PRAG1: variants seen among roughly 807,000 people sequenced by gnomAD.
PRAG1 encodes the protein inactive tyrosine-protein kinase PRAG1.
Under a neutral mutation model 95.6 loss-of-function variants are expected in PRAG1, and 110 were observed. The observed-to-expected ratio is 1.15, with a 90% CI of 0.99 to 1.35. PRAG1 has a LOEUF of 1.35. Ranked by LOEUF, PRAG1 falls within the 40% of genes most tolerant of loss-of-function variation. The pLI is 0.00. For missense variants in PRAG1, 2,554 were observed against 1,864.7 expected (o/e 1.37, Z -6.81); for synonymous variants, 1,052 against 819.4 (o/e 1.28, Z -4.85).
rs1262118389 is a variant in PRAG1, at chr8:8,386,339, C to T, written c.-106G>A. 1.3e-5 allele frequency: 2 copies of T among 152,304 alleles called. No homozygotes were observed. Among genetic ancestry groups the T allele is most frequent in the Non-Finnish European group, 2.9e-5 (2 of 68,122 alleles). 9.4% of individuals were successfully genotyped at this position (152,304 alleles called of 1,614,324 possible). A position where few individuals can be genotyped will look rare whatever the true frequency, so the allele number is the denominator to read the frequency against. ...GGCTCACCTCTGGGCTGCGCTCCCCCGGCCCCTCCGTCGGTCTCCGAGCCG... is the reference window on the plus strand; with the variant it reads ...GGCTCACCTCTGGGCTGCGCTCCCCTGGCCCCTCCGTCGGTCTCCGAGCCG... On this transcript the variant is annotated 5_prime_UTR_variant, in exon 1 of 6. Transcript: ENST00000615670.
chr8:8,377,948 C>T lies in PRAG1; in HGVS notation c.461G>A (p.Arg154His), dbSNP rs886301146. ...GACCATGGTGTAAGCTGGGGGACAG[C>T]GAGAATTGCCATCAGGGGAGGTAGA... is the stretch of plus-strand genomic sequence containing the variant. Reference protein sequence around the residue: ...GPSTSPDGNSRCPPAYTMVGL... With the variant: ...GPSTSPDGNSHCPPAYTMVGL... The change falls in exon 3 of 6, where the codon CGC (arginine) becomes CAC (histidine). Residue 154 changes from arginine (R) to histidine (H), a missense_variant. Transcript: ENST00000615670. 21 of 1,613,718 alleles carry T rather than the reference C, an allele frequency of 1.3e-5. No individual in the cohort carries two copies. Among genetic ancestry groups the T allele is most frequent in the South Asian group, 3.3e-5 (3 of 91,060 alleles).
At chr8:8,345,132 TC>T (rs1799293266) in intron 3 of PRAG1, among the ~76,000 whole-genome samples, 1 of 150,796 alleles carries the variant, frequency 6.6e-6, no homozygotes, top group African/African-American at 2.4e-5. Context: ...CTTTGGTAAA[TC>T]TTAGTTTCTA....
intron 3 of PRAG1, among the ~76,000 whole-genome samples, chr8:8,363,834 T>A (rs1799920728): frequency 6.6e-6 from 1 of 152,202 alleles, no homozygotes; most frequent in Admixed American, 6.6e-5. Flanking sequence ...TATATTTAAT[T>A]TATATTAAGT....
In PRAG1 at chr8:8,378,066, G is replaced by A. The variant is rs777296497; in HGVS notation, c.343C>T (p.Arg115Ter). 9.6e-5 allele frequency: 148 copies of A among 1,536,898 alleles called. No homozygotes were observed. The highest frequency in any genetic ancestry group is 2.3e-4 in the African/African-American group (17 of 72,426). Residue 115 changes from arginine to a stop codon, truncating the protein, a stop_gained, in exon 3 of 6, where the codon CGA (arginine) becomes TGA (stop). Coordinates refer to ENST00000615670, the MANE Select transcript of PRAG1 (RefSeq NM_001080826.3). LOFTEE classifies it high-confidence loss of function. Reference protein sequence around the residue: ...SAEVSQVIWRRAPGKLPLPKQ... With the variant: ...SAEVSQVIWR Reference sequence around the variant, plus strand: ...GGGAGGGGGAGCTTGCCAGGGGCTCGTCTCCAGATGACCTACACACAAGCC... The same window carrying A: ...GGGAGGGGGAGCTTGCCAGGGGCTCATCTCCAGATGACCTACACACAAGCC...
At chr8:8,330,795 T>C (rs1044566745) in intron 4 of PRAG1, among the ~76,000 whole-genome samples, 3 of 152,072 alleles carry the variant, frequency 2.0e-5, no homozygotes, top group African/African-American at 4.8e-5. Flanking sequence ...GGGCAGATGA[T>C]TCACTTCCTC....
chr8:8,322,327 C>G (rs1037427445), intron 5 of PRAG1, among the ~76,000 whole-genome samples: 18 of 152,022 alleles, frequency 1.2e-4, no homozygotes, highest in Non-Finnish European at 2.4e-4. Context: ...ATTACAGGTG[C>G]CTGCCACCAC....
intron 3 of PRAG1, among the ~76,000 whole-genome samples, chr8:8,341,725 T>A (rs189877443): frequency 6.6e-6 from 1 of 152,366 alleles, no homozygotes; most frequent in Admixed American, 6.5e-5. Flanking sequence ...CTGGATTCAG[T>A]TTTACTCATA....
chr8:8,329,149 T>C (rs192744297), intron 4 of PRAG1, among the ~76,000 whole-genome samples: 1 of 152,026 alleles, frequency 6.6e-6, no homozygotes, highest in Non-Finnish European at 1.5e-5. Context: ...TCCCAGCACT[T>C]TGGGAGGCTG....
intron 3 of PRAG1, among the ~76,000 whole-genome samples, chr8:8,369,462 A>C (rs1445650236): frequency 6.6e-6 from 1 of 152,174 alleles, no homozygotes; most frequent in Non-Finnish European, 1.5e-5. Flanking sequence ...ATTCAAAGCA[A>C]TTTGCTTTTT....
At position 8,376,250 on chromosome 8, in the gene PRAG1, G is replaced by T. The variant is rs377210076; in HGVS notation, c.2159C>A (p.Ser720Ter). ...CCAGGCAGACAATGGTACTCACCGC[G>T]ACTTTGGAGGCGGAGGAGGAGGTGA... Reference protein sequence around the residue: ...TFSPPPPPPKSRHLLKMNKSS... With the variant: ...TFSPPPPPPK The change falls in exon 3 of 6, where the codon TCG becomes TAG. Residue 720 changes from serine to a stop codon, truncating the protein, a stop_gained. Transcript: ENST00000615670. LOFTEE classifies it high-confidence loss of function. 6.2e-7 allele frequency: 1 copy of T among 1,612,634 alleles called. No homozygotes were observed. Among genetic ancestry groups the T allele is most frequent in the Non-Finnish European group, 8.5e-7 (1 of 1,179,454 alleles).
chr8:8,352,554 A>C (rs1231995324), intron 3 of PRAG1, among the ~76,000 whole-genome samples: 2 of 152,214 alleles, frequency 1.3e-5, no homozygotes, highest in African/African-American at 2.4e-5. Flanking sequence ...TCTCTCAAGT[A>C]AGTCCTCTAT....
intron 3 of PRAG1, among the ~76,000 whole-genome samples, chr8:8,369,102 G>C (rs1007247964): frequency 6.6e-6 from 1 of 151,874 alleles, no homozygotes; most frequent in African/African-American, 2.4e-5. Flanking sequence ...GTAATGTTCT[G>C]TTGAGCGAGA....
chr8:8,324,774 C>T (rs1798581433), intron 5 of PRAG1, among the ~76,000 whole-genome samples: 1 of 152,198 alleles, frequency 6.6e-6, no homozygotes, highest in Non-Finnish European at 1.5e-5. Flanking sequence ...AAAGGCCCAG[C>T]AGCTTAAAAC....
intron 3 of PRAG1, among the ~76,000 whole-genome samples, chr8:8,347,237 G>T (rs1435340818): frequency 6.6e-6 from 1 of 152,182 alleles, no homozygotes; most frequent in Non-Finnish European, 1.5e-5. Context: ...GTGACTTCAG[G>T]TTCCCAAGGG....
intron 3 of PRAG1, among the ~76,000 whole-genome samples, chr8:8,342,216 T>C (rs1401505837): frequency 6.7e-6 from 1 of 150,184 alleles, no homozygotes; most frequent in Admixed American, 6.6e-5. Flanking sequence ...TTTTTTGAGA[T>C]GGAGTCTTGC....
rs138432224 is a variant in PRAG1, at chr8:8,382,614, A to G, written c.-87-780T>C. Among the ~76,000 whole-genome samples the G allele has an allele frequency of 3.6e-3, 545 of 152,342 alleles. 5 individuals are homozygous for G. Among genetic ancestry groups the G allele is most frequent in the African/African-American group, 0.012 (497 of 41,584 alleles). On this transcript the variant is annotated intron_variant, in intron 1 of 5. Transcript: ENST00000615670. ...AGAGAGAAGAGATTAACGAAGAGCT[A>G]TTTCCAAGTGATGGCTCTGGAGAGA...
intron 4 of PRAG1, among the ~76,000 whole-genome samples, chr8:8,336,254 G>A (rs552350288): frequency 6.6e-6 from 1 of 152,140 alleles, no homozygotes; most frequent in Non-Finnish European, 1.5e-5. Context: ...ACATCAAAGA[G>A]GGAAATGATC....
At chr8:8,322,703 G>C (rs1023869899) in intron 5 of PRAG1, among the ~76,000 whole-genome samples, 1 of 152,162 alleles carries the variant, frequency 6.6e-6, no homozygotes, top group East Asian at 1.9e-4. Context: ...GGCTTCGTCT[G>C]CATGATAAAG....
chr8:8,336,801 A>G (rs1390369032), intron 4 of PRAG1, among the ~76,000 whole-genome samples: 1 of 152,102 alleles, frequency 6.6e-6, no homozygotes, highest in Non-Finnish European at 1.5e-5. Context: ...CCACTGAAAC[A>G]TTTAGAATAA....
Sources: allele counts gnomAD v4.1 joint callset (sites outside exome capture counted in the v4.1 genomes callset), GRCh38; gene constraint gnomAD v4.1.1; transcripts MANE v1.5; gene names NCBI Gene and HGNC (gene_info 2026-07-23, HGNC 2026-07-21).